The following IGSF1 variants were observed in gnomAD, a reference collection of about 807,000 sequenced individuals.
The protein encoded by IGSF1 is immunoglobulin superfamily member 1.
Under a neutral mutation model 95.3 loss-of-function variants are expected in IGSF1, and 40 were observed. The observed-to-expected ratio is 0.42, with a 90% CI of 0.33 to 0.55. The LOEUF is 0.55. Among genes scored for constraint, IGSF1 ranks in the 20% least tolerant of loss-of-function variants. The pLI is 0.10. For synonymous variants in IGSF1, 372 were observed against 382.9 expected, an observed-to-expected ratio of 0.97 and a Z score of 0.33; for missense variants, 906 against 1,025.4, an observed-to-expected ratio of 0.88 and a Z score of 1.59.
chrX:131,284,003 T>C (rs1218621469), intron 5 of IGSF1, among the ~76,000 whole-genome samples: 1 of 112,057 alleles, frequency 8.9e-6, no homozygotes, highest in Non-Finnish European at 1.9e-5. Flanking sequence ...AGCAAAAAGC[T>C]CATGAACTGG....
chrX:131,281,903 C>T lies in IGSF1; in HGVS notation c.1288G>A (p.Val430Met). The T allele has an allele frequency of 8.3e-7, 1 of 1,209,420 alleles. No homozygotes were observed. Among genetic ancestry groups the T allele is most frequent in the Non-Finnish European group, 1.1e-6 (1 of 893,862 alleles). Residue 430 changes from valine (V) to methionine (M), a missense_variant, in exon 8 of 20, where the codon GTG becomes ATG. Transcript: ENST00000361420. Reference sequence around the variant, plus strand: ...GTGATGGCCTTTCCTAGCTTGAACACAGTGCTTGGCCAAGCTGACAGGGAG... The same window carrying T: ...GTGATGGCCTTTCCTAGCTTGAACATAGTGCTTGGCCAAGCTGACAGGGAG... ...KPSLSAWPST[V>M]FKLGKAITLQ...
Position 131,282,986 on chromosome X carries a change from C to T in IGSF1, c.946G>A (p.Val316Met), listed in dbSNP as rs747371029. The T allele has an allele frequency of 1.2e-5, 15 of 1,200,339 alleles. No individual in the cohort carries two copies. The highest frequency in any genetic ancestry group is 2.3e-4 in the Middle Eastern group (1 of 4,321). ...TGGCATACCCGTCTCTTACCAGTCA[C>T]CCAGATTTTCAGGACATCACTAAGG... ...SLLSDVLKIWVTDTFPKTWLL... is the reference protein window; with the variant it reads ...SLLSDVLKIWMTDTFPKTWLL... Residue 316 changes from valine to methionine, a missense_variant, in exon 6 of 20, where the codon GTG becomes ATG. By Grantham distance (21) the Val-to-Met change is conservative. Around this residue, in one of 5 missense-constraint regions of IGSF1, gnomAD observed 442 missense variants for 448.1 expected, o/e 0.99. Transcript: ENST00000361420.
Position 131,281,319 on chromosome X carries a change from G to A in IGSF1, c.1545C>T (p.Tyr515=), listed in dbSNP as rs1277202618. Residue 515 remains tyrosine (Y), a synonymous_variant, in exon 9 of 20, where the codon TAC becomes TAT. Transcript: ENST00000361420. ...MGPAGYLTWN[Y]VLNEAIRLSL... is the part of the protein sequence containing the mutation. ...ACAACCTGATAGCTTCATTCAGAACGTAATTCCAGGTGAGATAGCCTGTGG... is the reference window on the plus strand; with the variant it reads ...ACAACCTGATAGCTTCATTCAGAACATAATTCCAGGTGAGATAGCCTGTGG... The A allele has an allele frequency of 5.0e-6, 6 of 1,210,930 alleles. No individual in the cohort carries two copies. The East Asian group carries it at 8.9e-5, about 18-fold the overall frequency.
In IGSF1 at chrX:131,285,465, G is replaced by A; in HGVS notation, c.381C>T (p.Gly127=). ...TCCAGAAGATGGGCTTGGGCAGTTG[G>A]CCTGGAAGGATAGAATGAACTGGAA... ...PSKVLELEAP[G]QLPKPIFWIQ... The change falls in exon 5 of 20, where the codon GGC becomes GGT. Residue 127 remains glycine, a splice_region_variant and synonymous_variant. Transcript: ENST00000361420. 8.3e-7 allele frequency: 1 copy of A among 1,203,474 alleles called. No homozygotes were observed.
chrX:131,285,994 C>A lies in IGSF1; in HGVS notation c.152G>T (p.Trp51Leu), dbSNP rs1469708154. The change falls in exon 4 of 20, where the codon TGG (tryptophan) becomes TTG (leucine). Residue 51 changes from tryptophan to leucine, a missense_variant. This residue lies in a region of IGSF1 where 442 missense variants were observed against 448.1 expected (regional missense o/e 0.99). Coordinates refer to ENST00000361420, the MANE Select transcript of IGSF1 (RefSeq NM_001555.5). Reference sequence around the variant, plus strand: ...TCGGCACCAAAGCGTGATGTTCTCCCAAGGGGCCTGGGGGTAGTTGGACTC... The same window carrying A: ...TCGGCACCAAAGCGTGATGTTCTCCAAAGGGGCCTGGGGGTAGTTGGACTC... Reference protein sequence around the residue: ...WIESNYPQAPWENITLWCRSP... With the variant: ...WIESNYPQAPLENITLWCRSP... The A allele has an allele frequency of 8.3e-7, 1 of 1,210,114 alleles. No homozygotes were observed. The highest frequency in any genetic ancestry group is 1.1e-6 in the Non-Finnish European group (1 of 894,285).
Position 131,273,766 on chromosome X carries a change from A to G in IGSF1, c.*30T>C. The G allele has an allele frequency of 8.4e-7, 1 of 1,187,001 alleles. No individual in the cohort carries two copies. The highest frequency in any genetic ancestry group is 1.9e-5 in the South Asian group (1 of 53,681). ...TAGGTCTCTGAGAGCAAGAGAGAGG[A>G]GAGGAAAGCTCTTGTAAAGGAGGAG... On this transcript the variant is annotated 3_prime_UTR_variant, in exon 20 of 20. Transcript: ENST00000361420.
At chrX:131,275,332 G>A in intron 16 of IGSF1, 46 bp from the exon 17 acceptor site, 1 of 1,172,414 alleles carries the variant, frequency 8.5e-7, no homozygotes, top group Non-Finnish European at 1.2e-6. Flanking sequence ...TCACTTTCCA[G>A]TGCATCACCC....
chrX:131,274,631 G>C lies in IGSF1; in HGVS notation c.3719C>G (p.Pro1240Arg), dbSNP rs2080454307. 3.3e-6 allele frequency: 4 copies of C among 1,211,804 alleles called. No individual in the cohort carries two copies. The East Asian group carries it at 1.2e-4, about 36-fold the overall frequency. ...LQAYPDIWSEPSDPLELVGAA... is the reference protein window; with the variant it reads ...LQAYPDIWSERSDPLELVGAA... Reference sequence around the variant, plus strand: ...CCCCACCAGCTCCAGGGGATCACTAGGCTCTGACCAGATATCAGGGTAGGC... The same window carrying C: ...CCCCACCAGCTCCAGGGGATCACTACGCTCTGACCAGATATCAGGGTAGGC... The change falls in exon 18 of 20, where the codon CCT (proline) becomes CGT (arginine). Residue 1240 changes from proline (P) to arginine (R), a missense_variant. By Grantham distance (103) the Pro-to-Arg change is moderately radical. Around this residue, in one of 5 missense-constraint regions of IGSF1, gnomAD observed 411 missense variants for 494.9 expected, o/e 0.83. Transcript: ENST00000361420.
At chrX:131,286,547 C>G in intron 2 of IGSF1, 58 bp downstream of exon 2, 2 of 1,157,565 alleles carry the variant, frequency 1.7e-6, no homozygotes, top group South Asian at 1.8e-5. Flanking sequence ...TCTCCCACCC[C>G]TAATGAGTGG....
Position 131,277,711 on chromosome X carries a change from G to C in IGSF1, c.2320+145C>G, listed in dbSNP as rs765730597. The C allele has an allele frequency of 4.3e-4, 264 of 612,975 alleles. 1 individual carries two copies. Among genetic ancestry groups the C allele is most frequent in the Non-Finnish European group, 2.5e-5 (10 of 396,560 alleles). 50.5% of individuals were successfully genotyped at this position (612,975 alleles called of 1,213,427 possible). A position where few individuals can be genotyped will look rare whatever the true frequency, so the allele number is the denominator to read the frequency against. On this transcript the variant is annotated intron_variant, in intron 13 of 19. Coordinates refer to ENST00000361420, the MANE Select transcript of IGSF1 (RefSeq NM_001555.5). The stretch of plus-strand genomic sequence containing the variant: ...GCAGCCAGAGGCCCTGGCACTCCCA[G>C]CGCCACGCCTGCCTGGCTCTAAGAT...
intron 9 of IGSF1, among the ~76,000 whole-genome samples, chrX:131,280,312 A>T (rs2080538495): frequency 9.0e-6 from 1 of 111,621 alleles, no homozygotes. Context: ...TGATTGCCCA[A>T]GTATTCTGTC....
chrX:131,277,063 C>T lies in IGSF1; in HGVS notation c.2484G>A (p.Gly828=). 8.3e-7 allele frequency: 1 copy of T among 1,211,092 alleles called. No homozygotes were observed. The highest frequency in any genetic ancestry group is 1.8e-5 in the South Asian group (1 of 56,927). Residue 828 remains glycine, a synonymous_variant, in exon 14 of 20, where the codon GGG becomes GGA. Coordinates refer to ENST00000361420, the MANE Select transcript of IGSF1 (RefSeq NM_001555.5). ...TGATTAGAAAGTGAGCTGCACTGGCCCCCGGACTTGCCCAGGACCTGTCAC... is the reference window on the plus strand; with the variant it reads ...TGATTAGAAAGTGAGCTGCACTGGCTCCCGGACTTGCCCAGGACCTGTCAC... ...ASSDRSWASP[G]ASAAHFLIIS...
In IGSF1 at chrX:131,286,080, C is replaced by T. The variant is rs368961829; in HGVS notation, c.98-32G>A. Reference sequence around the variant, plus strand: ...TTCCCAAAGATCAAAAAGATATGAGCAGTCCAACCCTCTCCCTCCCATAAC... The same window carrying T: ...TTCCCAAAGATCAAAAAGATATGAGTAGTCCAACCCTCTCCCTCCCATAAC... On this transcript the variant is annotated intron_variant, in intron 3 of 19. Coordinates refer to ENST00000361420, the MANE Select transcript of IGSF1 (RefSeq NM_001555.5). 6 of 1,107,141 alleles carry T rather than the reference C, an allele frequency of 5.4e-6. No homozygotes were observed. The Admixed American group carries it at 1.0e-4, about 18-fold the overall frequency. 91.2% of individuals were successfully genotyped at this position (1,107,141 alleles called of 1,213,427 possible).
Position 131,282,680 on chromosome X carries a change from T to C in IGSF1, c.1010A>G (p.Gln337Arg). ...TCCTCGACACCGTAGGCTCACATTCTGACCCATTTGGACCACAGCACTGGG... is the reference window on the plus strand; with the variant it reads ...TCCTCGACACCGTAGGCTCACATTCCGACCCATTTGGACCACAGCACTGGG... The part of the protein sequence containing the change: ...ARPSAVVQMG[Q>R]NVSLRCRGPV... Residue 337 changes from glutamine to arginine, a missense_variant, in exon 7 of 20, where the codon CAG becomes CGG. Physicochemically the swap from Gln to Arg is conservative, Grantham distance 43. Coordinates refer to ENST00000361420, the MANE Select transcript of IGSF1 (RefSeq NM_001555.5). 8.3e-7 allele frequency: 1 copy of C among 1,211,208 alleles called. No individual in the cohort carries two copies. The highest frequency in any genetic ancestry group is 1.1e-6 in the Non-Finnish European group (1 of 894,851).
chrX:131,285,558 C>A lies in IGSF1; in HGVS notation c.380-92G>T, dbSNP rs2080623043. ...AGAGCTCTACTTTAATTGAGGTTTC[C>A]CTGTATGATCCTTGTTTGCCACCCC... is the stretch of plus-strand genomic sequence containing the variant. On this transcript the variant is annotated intron_variant, in intron 4 of 19. Transcript: ENST00000361420. 3.1e-6 allele frequency: 3 copies of A among 965,034 alleles called. No individual in the cohort carries two copies. In the East Asian group the frequency reaches 9.5e-5, roughly 31 times the overall value. The allele number at this position is 965,034 out of a possible 1,213,427, so 79.5% of individuals were successfully genotyped here.
chrX:131,282,382 A>G (rs2080574507), intron 7 of IGSF1, 62 bp downstream of exon 7: 4 of 998,478 alleles, frequency 4.0e-6, no homozygotes, highest in Non-Finnish European at 5.6e-6. Flanking sequence ...GCTCCTTCTT[A>G]CAACACCACA....
chrX:131,286,818 G>C (rs2080646663), intron 1 of IGSF1, 77 bp from the exon 2 acceptor site: 1 of 443,882 alleles, frequency 2.3e-6, no homozygotes, highest in Admixed American at 5.1e-5. Context: ...AATTGCACTT[G>C]ACAACCCTAC....
intron 9 of IGSF1, chrX:131,280,905 G>A (rs2080548967): frequency 5.1e-6 from 1 of 197,199 alleles, no homozygotes; most frequent in African/African-American, 3.0e-5. Context: ...AGTTAATGAG[G>A]GAGACATCAA....
At chrX:131,285,690 G>T in intron 4 of IGSF1, 77 bp downstream of exon 4, 1 of 1,041,179 alleles carries the variant, frequency 9.6e-7, no homozygotes. Flanking sequence ...ATGCATTTGT[G>T]AAACAAACTC....
Sources: allele counts gnomAD v4.1 joint callset (sites outside exome capture counted in the v4.1 genomes callset), GRCh38; gene constraint gnomAD v4.1.1; regional missense constraint gnomAD v4.1.1; transcripts MANE v1.5; gene names NCBI Gene and HGNC (gene_info 2026-07-23, HGNC 2026-07-21).